WDR81: variants seen among roughly 807,000 people sequenced by gnomAD.
WDR81 encodes the protein WD repeat domain 81.
Under a neutral mutation model 140.8 loss-of-function variants are expected in WDR81, and 92 were observed. The observed-to-expected ratio is 0.65, with a 90% CI of 0.55 to 0.78. The LOEUF (loss-of-function observed/expected upper bound fraction) is 0.78, where lower values mean the gene tolerates loss of function less well. Ranked by LOEUF, WDR81 falls within the 30% of genes least tolerant of loss-of-function variation. The probability of loss-of-function intolerance (pLI) is 0.00; values close to 1 mark genes in which losing one functional copy is unlikely to be tolerated. For synonymous variants in WDR81, 1,183 were observed against 1,156.4 expected (o/e 1.02, Z -0.47); for missense variants, 2,502 against 2,636.4 (o/e 0.95, Z 1.12).
upstream of WDR81, among the ~76,000 whole-genome samples, chr17:1,722,616 G>GA (rs1332079676): frequency 1.3e-5 from 2 of 151,360 alleles, no homozygotes; most frequent in Non-Finnish European, 2.9e-5. Context: ...AAAGTGCTGG[G>GA]TTACAGGCAT....
upstream of WDR81, among the ~76,000 whole-genome samples, chr17:1,723,443 T>TTTTATTTA (rs371736848): frequency 2.8e-5 from 4 of 142,140 alleles, no homozygotes; most frequent in African/African-American, 1.0e-4. Flanking sequence ...TTGGTTTTAT[T>TTTTATTTA]TTTATTTATT....
At position 1,732,331 on chromosome 17, in the gene WDR81, A is replaced by G; in HGVS notation, c.4164A>G (p.Pro1388=). The G allele has an allele frequency of 6.2e-7, 1 of 1,612,984 alleles. No individual in the cohort carries two copies. The highest frequency in any genetic ancestry group is 8.5e-7 in the Non-Finnish European group (1 of 1,179,882). ...SFLTSLVTGF[P]SGAQARTILC... ...TCATGAGCTCTGTTTCCAGGTTCCC[A>G]AGTGGGGCCCAGGCTCGGACCATCC... Residue 1388 remains proline (P), a synonymous_variant, in exon 5 of 10, where the codon CCA becomes CCG. Transcript: ENST00000409644.
At chr17:1,721,224 T>C (rs1156415889), upstream of WDR81, among the ~76,000 whole-genome samples, 1 of 151,976 alleles carries the variant, frequency 6.6e-6, no homozygotes. Context: ...CTAGGCGTGG[T>C]AGCAGGCACC....
In WDR81 at chr17:1,728,316, G is replaced by A. The variant is rs1253003424; in HGVS notation, c.3357G>A (p.Leu1119=). 5 of 1,612,856 alleles carry A rather than the reference G, an allele frequency of 3.1e-6. No homozygotes were observed. The Admixed American group carries it at 6.7e-5, about 21-fold the overall frequency. The change falls in exon 1 of 10, where the codon CTG becomes CTA. Residue 1119 remains leucine (L), a synonymous_variant. Transcript: ENST00000409644. ...AGAGCAGCACCAGCGAGACCTCCCT[G>A]GGTGAGGAGCGGGCTCCAGACGAGG... ...SDKSSTSETS[L]GEERAPDEGG... is the part of the protein sequence containing the mutation.
chr17:1,735,860 C>T lies in WDR81; in HGVS notation c.5325+143C>T, dbSNP rs1355117767. On this transcript the variant is annotated intron_variant, in intron 8 of 9. Coordinates refer to ENST00000409644, the MANE Select transcript of WDR81 (RefSeq NM_001163809.2). This position sits in a 1 kb window ranked among gnomAD's most constrained non-coding sequence, Gnocchi z 4.2. ...TTTGGTGCTAGATCACCCACAGCCACACATCCTGCGGGGCAGGACTCTGGC... is the reference window on the plus strand; with the variant it reads ...TTTGGTGCTAGATCACCCACAGCCATACATCCTGCGGGGCAGGACTCTGGC... 2.9e-6 allele frequency: 4 copies of T among 1,371,054 alleles called. No homozygotes were observed. The South Asian group carries it at 4.3e-5, about 15-fold the overall frequency. 84.9% of individuals were successfully genotyped at this position (1,371,054 alleles called of 1,614,324 possible).
chr17:1,729,860 G>T (rs1156869351), intron 1 of WDR81, among the ~76,000 whole-genome samples: 1 of 152,082 alleles, frequency 6.6e-6, no homozygotes, highest in East Asian at 1.9e-4. Flanking sequence ...TATTTGGAAG[G>T]CTGAGGCAGG....
Position 1,737,497 on chromosome 17 carries a change from A to G in WDR81, c.5638A>G (p.Ser1880Gly). The change falls in exon 10 of 10, where the codon AGC (serine) becomes GGC (glycine). Residue 1880 changes from serine to glycine, a missense_variant. By Grantham distance (56) the Ser-to-Gly change is moderately conservative. Coordinates refer to ENST00000409644, the MANE Select transcript of WDR81 (RefSeq NM_001163809.2). ...DPIHTFDLYGSEVVTGTVSNK... is the reference protein window; with the variant it reads ...DPIHTFDLYGGEVVTGTVSNK... ...CATCCACACCTTTGACCTGTACGGC[A>G]GCGAGGTGGTCACTGGCACCGTGTC... is the stretch of plus-strand genomic sequence containing the variant. 6.2e-7 allele frequency: 1 copy of G among 1,613,180 alleles called. No homozygotes were observed. Among genetic ancestry groups the G allele is most frequent in the Non-Finnish European group, 8.5e-7 (1 of 1,179,988 alleles).
chr17:1,732,862 C>T (rs1275309798), intron 6 of WDR81, 31 bp downstream of exon 6: 97 of 1,565,668 alleles, frequency 6.2e-5, no homozygotes, highest in Non-Finnish European at 8.3e-5. Flanking sequence ...CCATCACAGT[C>T]TTCGTGGCTG....
intron 6 of WDR81, among the ~76,000 whole-genome samples, 197 bp from the exon 7 acceptor site, chr17:1,733,330 A>T (rs1904530467): frequency 6.6e-6 from 1 of 152,260 alleles, no homozygotes; most frequent in Non-Finnish European, 1.5e-5. Context: ...CACATATAGA[A>T]GATGCTCATG....
chr17:1,725,070 C>G lies in WDR81; in HGVS notation c.111C>G (p.Asp37Glu). 1 of 1,490,728 alleles carries G rather than the reference C, an allele frequency of 6.7e-7. No individual in the cohort carries two copies. The highest frequency in any genetic ancestry group is 1.4e-5 in the African/African-American group (1 of 71,954). The allele number at this position is 1,490,728 out of a possible 1,614,324, so 92.3% of individuals were successfully genotyped here. A position where few individuals can be genotyped will look rare whatever the true frequency, so the allele number is the denominator to read the frequency against. ...AGCTGCTCCGGAGCGTGGAGAGGGACCTGAGCATCGATCCCAGGCAGCTGG... is the reference window on the plus strand; with the variant it reads ...AGCTGCTCCGGAGCGTGGAGAGGGAGCTGAGCATCGATCCCAGGCAGCTGG... ...MQELLRSVER[D>E]LSIDPRQLAP... The change falls in exon 1 of 10, where the codon GAC becomes GAG. Residue 37 changes from aspartate to glutamate, a missense_variant. Physicochemically the swap from Asp to Glu is conservative, Grantham distance 45. Transcript: ENST00000409644.
At position 1,727,689 on chromosome 17, in the gene WDR81, C is replaced by T. The variant is rs548276345; in HGVS notation, c.2730C>T (p.Gly910=). 45 of 1,550,452 alleles carry T rather than the reference C, an allele frequency of 2.9e-5. No individual in the cohort carries two copies. In the Middle Eastern group the frequency reaches 5.0e-4, roughly 17 times the overall value. The change falls in exon 1 of 10, where the codon GGC becomes GGT. Residue 910 remains glycine (G), a synonymous_variant. Transcript: ENST00000409644. ...ELVFALWQQL[G]AVLKDITPEG... is the part of the protein sequence containing the mutation. ...TGTTTGCTCTGTGGCAGCAGCTGGG[C>T]GCGGTGCTGAAGGACATCACCCCTG...
intron 9 of WDR81, among the ~76,000 whole-genome samples, 175 bp from the exon 10 acceptor site, chr17:1,737,190 G>A (rs1040738968): frequency 1.3e-5 from 2 of 152,204 alleles, no homozygotes; most frequent in African/African-American, 4.8e-5. Context: ...GATGCTGAGC[G>A]TATTAAAATG....
At position 1,735,051 on chromosome 17, in the gene WDR81, G is replaced by T. The variant is rs1441905104; in HGVS notation, c.5180-521G>T. Among the ~76,000 whole-genome samples the T allele has an allele frequency of 6.6e-6, 1 of 152,094 alleles. No individual in the cohort carries two copies. The highest frequency in any genetic ancestry group is 1.5e-5 in the Non-Finnish European group (1 of 68,018). On this transcript the variant is annotated intron_variant, in intron 7 of 9. Transcript: ENST00000409644. This position sits in a 1 kb window ranked among gnomAD's most constrained non-coding sequence, Gnocchi z 4.2. Reference sequence around the variant, plus strand: ...GAAACATCTTTAGGCCGATGCAGTGGCTCACGCCTGTAATCTCAGCACTCT... The same window carrying T: ...GAAACATCTTTAGGCCGATGCAGTGTCTCACGCCTGTAATCTCAGCACTCT...
At position 1,726,986 on chromosome 17, in the gene WDR81, G is replaced by A. The variant is rs567740059; in HGVS notation, c.2027G>A (p.Gly676Asp). The A allele has an allele frequency of 6.5e-7, 1 of 1,550,334 alleles. No individual in the cohort carries two copies. Among genetic ancestry groups the A allele is most frequent in the Non-Finnish European group, 8.7e-7 (1 of 1,146,994 alleles). Residue 676 changes from glycine (G) to aspartate (D), a missense_variant, in exon 1 of 10, where the codon GGT becomes GAT. Gly to Asp is a moderately conservative substitution (Grantham distance 94). This residue lies in a region of WDR81 where 1,737 missense variants were observed against 1,843.0 expected (regional missense o/e 0.94). Coordinates refer to ENST00000409644, the MANE Select transcript of WDR81 (RefSeq NM_001163809.2). ...LDSISLAGKAGDQLGSSSQAS... is the reference protein window; with the variant it reads ...LDSISLAGKADDQLGSSSQAS... ...TCCATTTCCCTTGCTGGGAAAGCAG[G>A]TGACCAGCTGGGCTCCTCCAGTCAA...
At chr17:1,730,303 G>A in intron 1 of WDR81, 77 bp from the exon 2 acceptor site, 3 of 1,223,090 alleles carry the variant, frequency 2.5e-6, no homozygotes. Context: ...TGGTTGAGTG[G>A]GGTGCCGTGG....
chr17:1,729,101 G>A (rs984168201), intron 1 of WDR81, among the ~76,000 whole-genome samples: 1 of 152,230 alleles, frequency 6.6e-6, no homozygotes, highest in South Asian at 2.1e-4. Flanking sequence ...CAGCAGACGA[G>A]ATGCCGCAGT....
At chr17:1,732,575 G>A in intron 5 of WDR81, 85 bp downstream of exon 5, 2 of 1,578,738 alleles carry the variant, frequency 1.3e-6, no homozygotes, top group Non-Finnish European at 1.7e-6. Context: ...CATAGGATCT[G>A]AAGCTGGACT....
At position 1,725,824 on chromosome 17, in the gene WDR81, A is replaced by G; in HGVS notation, c.865A>G (p.Ile289Val). Reference sequence around the variant, plus strand: ...GTGTGGGGCCCTGTCTTTGTATCACATCGCAGTGGATGAGAAGCTTTGCAG... The same window carrying G: ...GTGTGGGGCCCTGTCTTTGTATCACGTCGCAGTGGATGAGAAGCTTTGCAG... ...LACGALSLYH[I>V]AVDEKLCSEL... is the part of the protein sequence containing the mutation. Residue 289 changes from isoleucine to valine, a missense_variant, in exon 1 of 10, where the codon ATC (isoleucine) becomes GTC (valine). Ile to Val is a conservative substitution (Grantham distance 29, BLOSUM62 3). Around this residue, in one of 3 missense-constraint regions of WDR81, gnomAD observed 547 missense variants for 513.8 expected, o/e 1.06. Coordinates refer to ENST00000409644, the MANE Select transcript of WDR81 (RefSeq NM_001163809.2). 1.3e-6 allele frequency: 2 copies of G among 1,550,716 alleles called. No homozygotes were observed. Among genetic ancestry groups the G allele is most frequent in the South Asian group, 2.4e-5 (2 of 84,068 alleles).
Position 1,732,397 on chromosome 17 carries a change from G to A in WDR81, c.4230G>A (p.Leu1410=), listed in dbSNP as rs1194006333. Residue 1410 remains leucine, a synonymous_variant, in exon 5 of 10, where the codon CTG becomes CTA. Coordinates refer to ENST00000409644, the MANE Select transcript of WDR81 (RefSeq NM_001163809.2). ...TCAGCCTCATCGCCCTCATCTGCCT[G>A]CGCATTGGACAGGAGATGGTCCAGC... is the stretch of plus-strand genomic sequence containing the variant. ...KTISLIALIC[L]RIGQEMVQQH... 2 of 1,613,696 alleles carry A rather than the reference G, an allele frequency of 1.2e-6. No homozygotes were observed. The highest frequency in any genetic ancestry group is 2.2e-5 in the South Asian group (2 of 91,082).
Sources: gnomAD v4.1 joint callset for allele counts (sites outside exome capture counted in the v4.1 genomes callset) on GRCh38, gnomAD v4.1.1 for gene constraint, gnomAD v4.1.1 regional missense constraint, Gnocchi (gnomAD v3.1) non-coding constraint, MANE v1.5 for transcripts, NCBI Gene and HGNC (gene_info 2026-07-23, HGNC 2026-07-21) for gene names.